The following FARP1 variants were observed in gnomAD, a reference collection of about 807,000 sequenced individuals.
FARP1 encodes the protein FERM, ARHGEF and pleckstrin domain-containing protein 1.
FARP1 carries 52 observed loss-of-function variants against 128.8 expected under a neutral mutation model. That is an observed-to-expected ratio of 0.40 (90% CI 0.32 to 0.51). The LOEUF is 0.51. FARP1 is among the 20% of genes least tolerant of loss of function. The pLI is 0.45. For missense variants in FARP1, 1,333 were observed against 1,367.9 expected, an observed-to-expected ratio of 0.97 and a Z score of 0.40; for synonymous variants, 580 against 551.8, an observed-to-expected ratio of 1.05 and a Z score of -0.72.
In FARP1 at chr13:98,431,509, T is replaced by C; in HGVS notation, c.2143+229T>C. 3 of 408,716 alleles carry C rather than the reference T, an allele frequency of 7.3e-6. No homozygotes were observed. In the South Asian group the frequency reaches 9.6e-5, roughly 13 times the overall value. 25.3% of individuals were successfully genotyped at this position (408,716 alleles called of 1,614,324 possible). A position where few individuals can be genotyped will look rare whatever the true frequency, so the allele number is the denominator to read the frequency against. ...CTGAGTCTCACTCTGTCGCCCAGGCTGGAGTGCAATGGTGCGATCTCGGCT... is the reference window on the plus strand; with the variant it reads ...CTGAGTCTCACTCTGTCGCCCAGGCCGGAGTGCAATGGTGCGATCTCGGCT... On this transcript the variant is annotated intron_variant, in intron 18 of 26. Transcript: ENST00000319562.
At chr13:98,410,326 C>T (rs1238792202) in intron 14 of FARP1, among the ~76,000 whole-genome samples, 1 of 152,206 alleles carries the variant, frequency 6.6e-6, no homozygotes, top group East Asian at 1.9e-4. Flanking sequence ...CATGTGTTCC[C>T]ACAATGTAAC....
intron 19 of FARP1, chr13:98,437,922 C>T (rs1416158989): frequency 8.6e-7 from 1 of 1,166,274 alleles, no homozygotes; most frequent in Non-Finnish European, 1.3e-6. Context: ...TGGCACTCAT[C>T]AGGCCGCCAC....
chr13:98,249,462 G>A (rs180959002), intron 2 of FARP1, among the ~76,000 whole-genome samples: 1 of 152,256 alleles, frequency 6.6e-6, no homozygotes, highest in Admixed American at 6.5e-5. Context: ...CCATTATTGA[G>A]GGAAGAGGTC....
intron 2 of FARP1, among the ~76,000 whole-genome samples, chr13:98,255,963 C>A (rs1883567918): frequency 6.6e-6 from 1 of 152,214 alleles, no homozygotes; most frequent in South Asian, 2.1e-4. Flanking sequence ...TCTGTCTGAA[C>A]ATTAGAAACA....
rs1487722528 is a variant in FARP1 at position 98,435,639 on chromosome 13, A to G, written c.2207A>G (p.Asn736Ser). The G allele has an allele frequency of 1.2e-6, 2 of 1,614,100 alleles. No homozygotes were observed. Among genetic ancestry groups the G allele is most frequent in the Non-Finnish European group, 1.7e-6 (2 of 1,180,002 alleles). Residue 736 changes from asparagine to serine, a missense_variant, in exon 19 of 27, where the codon AAT (asparagine) becomes AGT (serine). Coordinates refer to ENST00000319562, the MANE Select transcript of FARP1 (RefSeq NM_005766.4). ...CACGGTACGATGATCAAGATGGAGA[A>G]TTTCCAGAAGCTGCACGAACTCAAG... ...QLHGTMIKME[N>S]FQKLHELKKD...
At chr13:98,199,801 T>C (rs1192346096) in intron 1 of FARP1, among the ~76,000 whole-genome samples, 1 of 152,220 alleles carries the variant, frequency 6.6e-6, no homozygotes, top group Non-Finnish European at 1.5e-5. Flanking sequence ...GGTGGCTATC[T>C]TCCTTACATT....
rs899385786 is a variant in FARP1, at chr13:98,449,233, C to G, written c.*916C>G. 1.3e-5 allele frequency: 2 copies of G among 152,232 alleles called. No individual in the cohort carries two copies. Among genetic ancestry groups the G allele is most frequent in the African/African-American group, 4.8e-5 (2 of 41,434 alleles). The allele number at this position is 152,232 out of a possible 1,614,324, so 9.4% of individuals were successfully genotyped here. On this transcript the variant is annotated 3_prime_UTR_variant, in exon 27 of 27. Transcript: ENST00000319562. ...ACTATGAAATCATGGTACGTAGTCC[C>G]CGGCACCTGTCGTTATTCCTATATC...
rs919930575 is a variant in FARP1, at chr13:98,428,880, C to T, written c.1906-2163C>T. Among the ~76,000 whole-genome samples, 22 of 152,350 alleles carry T rather than the reference C, an allele frequency of 1.4e-4. 1 individual carries two copies. The highest frequency in any genetic ancestry group is 4.1e-4 in the African/African-American group (17 of 41,582). ...TCTCAAAATCAAATAGGGGACCACA[C>T]GTGTGATAGCATCGCACAGAGCGAC... On this transcript the variant is annotated intron_variant, in intron 17 of 26. Transcript: ENST00000319562.
intron 18 of FARP1, chr13:98,432,967 C>G (rs961628624): frequency 6.7e-6 from 1 of 149,382 alleles, no homozygotes; most frequent in Non-Finnish European, 1.5e-5. Context: ...GGGGGGATCT[C>G]GAAGGGAAAT....
chr13:98,196,970 A>G (rs1327021503), intron 1 of FARP1, among the ~76,000 whole-genome samples: 1 of 152,146 alleles, frequency 6.6e-6, no homozygotes, highest in Non-Finnish European at 1.5e-5. Context: ...GTTGTATTTT[A>G]TAGTATCCTT....
chr13:98,241,836 T>C (rs1882788658), intron 2 of FARP1, among the ~76,000 whole-genome samples: 1 of 152,116 alleles, frequency 6.6e-6, no homozygotes, highest in South Asian at 2.1e-4. Context: ...GGAGAATCGC[T>C]TGAACCCAGG....
intron 2 of FARP1, among the ~76,000 whole-genome samples, chr13:98,261,306 A>G (rs932323334): frequency 2.0e-5 from 3 of 151,174 alleles, no homozygotes; most frequent in South Asian, 2.1e-4. Context: ...GTGGGTGACT[A>G]CAGCAACTGG....
chr13:98,262,918 G>C (rs1883946938), intron 2 of FARP1, among the ~76,000 whole-genome samples: 1 of 152,168 alleles, frequency 6.6e-6, no homozygotes, highest in Non-Finnish European at 1.5e-5. Flanking sequence ...CATTTATAAA[G>C]AGGAGTTAGC....
intron 5 of FARP1, among the ~76,000 whole-genome samples, chr13:98,368,601 G>T (rs570807846): frequency 4.6e-5 from 7 of 152,206 alleles, no homozygotes; most frequent in African/African-American, 1.7e-4. Context: ...AAGTGTGACC[G>T]CGTGGAAGAA....
At chr13:98,260,053 T>C (rs1469237832) in intron 2 of FARP1, among the ~76,000 whole-genome samples, 1 of 152,164 alleles carries the variant, frequency 6.6e-6, no homozygotes, top group East Asian at 1.9e-4. Context: ...ATATTAAATG[T>C]GTAAAAATTG....
intron 24 of FARP1, 191 bp from the exon 25 acceptor site, chr13:98,445,907 A>G (rs1475221167): frequency 1.3e-5 from 7 of 541,048 alleles, no homozygotes; most frequent in Non-Finnish European, 2.3e-5. Flanking sequence ...AGCAAGTGAC[A>G]AGGGGAAGTG....
chr13:98,390,042 C>G lies in FARP1; in HGVS notation c.941C>G (p.Ala314Gly), dbSNP rs766746943. The G allele has an allele frequency of 1.2e-6, 2 of 1,614,040 alleles. No homozygotes were observed. Among genetic ancestry groups the G allele is most frequent in the Admixed American group, 1.7e-5 (1 of 60,002 alleles). ...SFWKICVEHH[A>G]FFRLFEEPKP... is the part of the protein sequence containing the mutation. Reference sequence around the variant, plus strand: ...TGGAAAATCTGTGTTGAACATCATGCCTTCTTTAGACTTTTTGAAGAGCCC... The same window carrying G: ...TGGAAAATCTGTGTTGAACATCATGGCTTCTTTAGACTTTTTGAAGAGCCC... The change falls in exon 10 of 27, where the codon GCC (alanine) becomes GGC (glycine). Residue 314 changes from alanine to glycine, a missense_variant. Transcript: ENST00000319562.
chr13:98,243,868 A>AT (rs1277381916), intron 2 of FARP1, among the ~76,000 whole-genome samples: 3 of 152,150 alleles, frequency 2.0e-5, no homozygotes, highest in African/African-American at 7.2e-5. Flanking sequence ...GGAGTATTAA[A>AT]TTTTTACTCC....
intron 5 of FARP1, among the ~76,000 whole-genome samples, chr13:98,372,530 G>A (rs1359683077): frequency 6.6e-6 from 1 of 152,230 alleles, no homozygotes; most frequent in South Asian, 2.1e-4. Context: ...ATAGGTGAGG[G>A]GACCCTATCA....
Sources: gnomAD v4.1 joint callset for allele counts (sites outside exome capture counted in the v4.1 genomes callset) on GRCh38, gnomAD v4.1.1 for gene constraint, MANE v1.5 for transcripts, NCBI Gene and HGNC (gene_info 2026-07-23, HGNC 2026-07-21) for gene names.